The following TMBIM4 variants were observed in gnomAD, a reference collection of about 807,000 sequenced individuals.
TMBIM4 encodes the protein protein lifeguard 4.
TMBIM4 carries 28 observed loss-of-function variants against 27.7 expected under a neutral mutation model. That is an observed-to-expected ratio of 1.01 (90% CI 0.75 to 1.38). The LOEUF (loss-of-function observed/expected upper bound fraction) is 1.38, where lower values mean the gene tolerates loss of function less well. Ranked by LOEUF, TMBIM4 falls within the 40% of genes most tolerant of loss-of-function variation. The probability of loss-of-function intolerance (pLI) is 0.00; values close to 1 mark genes in which losing one functional copy is unlikely to be tolerated. For missense variants in TMBIM4, 265 were observed against 277.5 expected (o/e 0.95, Z 0.32); for synonymous variants, 115 against 113.1 (o/e 1.02, Z -0.11).
At chr12:66,143,311 T>C (rs1193578551) in intron 5 of TMBIM4, among the ~76,000 whole-genome samples, 1 of 152,158 alleles carries the variant, frequency 6.6e-6, no homozygotes, top group Admixed American at 6.5e-5. Flanking sequence ...CAACTCCATC[T>C]AGAAGACTGA....
chr12:66,140,816 C>T (rs1221776046), intron 5 of TMBIM4, among the ~76,000 whole-genome samples: 1 of 152,012 alleles, frequency 6.6e-6, no homozygotes, highest in East Asian at 1.9e-4. Flanking sequence ...GAGGGAACCA[C>T]ACCAAGGAAT....
At chr12:66,144,569 G>C (rs904832173) in intron 5 of TMBIM4, among the ~76,000 whole-genome samples, 3 of 152,132 alleles carry the variant, frequency 2.0e-5, no homozygotes, top group African/African-American at 4.8e-5. Flanking sequence ...ACACTTGTGT[G>C]GTTGGGAAAA....
intron 1 of TMBIM4, among the ~76,000 whole-genome samples, chr12:66,168,247 C>T (rs576718465): frequency 8.7e-4 from 131 of 150,178 alleles, no homozygotes; most frequent in African/African-American, 2.6e-3. Context: ...GAAATTCTGA[C>T]ATATGCCACA....
chr12:66,155,874 G>A (rs934111819), intron 1 of TMBIM4, among the ~76,000 whole-genome samples: 4 of 151,994 alleles, frequency 2.6e-5, no homozygotes, highest in Non-Finnish European at 5.9e-5. Context: ...GTATACCCTG[G>A]GCAGTAGTAC....
chr12:66,160,927 C>T (rs1178997347), intron 1 of TMBIM4, among the ~76,000 whole-genome samples: 1 of 142,762 alleles, frequency 7.0e-6, no homozygotes, highest in Non-Finnish European at 1.5e-5. Flanking sequence ...GGGGGTGGGG[C>T]GGGCAGAGGC....
chr12:66,147,513 G>T (rs554636023), intron 4 of TMBIM4, among the ~76,000 whole-genome samples: 1 of 152,296 alleles, frequency 6.6e-6, no homozygotes, highest in African/African-American at 2.4e-5. Context: ...TAATGTTAAA[G>T]CACAGTTCAG....
At chr12:66,161,245 C>T (rs1262561032) in intron 1 of TMBIM4, 1 of 152,348 alleles carries the variant, frequency 6.6e-6, no homozygotes, top group Non-Finnish European at 1.5e-5. Flanking sequence ...AGCTAATTTG[C>T]TTTGTTTTGT....
chr12:66,152,257 G>T lies in TMBIM4; in HGVS notation c.312+14C>A. ...AATAATTGTTAAGGGAATAGAGAAAGTCAGAGTACTCACAAATCCAAAAAG... is the reference window on the plus strand; with the variant it reads ...AATAATTGTTAAGGGAATAGAGAAATTCAGAGTACTCACAAATCCAAAAAG... On this transcript the variant is annotated intron_variant, in intron 3 of 6. Coordinates refer to ENST00000358230, the MANE Select transcript of TMBIM4 (RefSeq NM_016056.4). The T allele has an allele frequency of 6.7e-7, 1 of 1,490,034 alleles. No homozygotes were observed. Among genetic ancestry groups the T allele is most frequent in the Non-Finnish European group, 9.2e-7 (1 of 1,084,034 alleles). The allele number at this position is 1,490,034 out of a possible 1,614,324, so 92.3% of individuals were successfully genotyped here. A position where few individuals can be genotyped will look rare whatever the true frequency, so the allele number is the denominator to read the frequency against.
chr12:66,168,951 G>C, intron 1 of TMBIM4: 1 of 205,742 alleles, frequency 4.9e-6, no homozygotes, highest in Non-Finnish European at 9.8e-6. Flanking sequence ...TTAAAAAAAA[G>C]CTGAGTTCAC....
chr12:66,156,883 A>G (rs1428891269), intron 1 of TMBIM4, among the ~76,000 whole-genome samples: 2 of 152,144 alleles, frequency 1.3e-5, no homozygotes, highest in Non-Finnish European at 2.9e-5. Flanking sequence ...AGTCCTAACA[A>G]AAAGAATGAT....
intron 1 of TMBIM4, among the ~76,000 whole-genome samples, chr12:66,162,335 T>C (rs1039183022): frequency 6.6e-6 from 1 of 152,252 alleles, no homozygotes; most frequent in African/African-American, 2.4e-5. Flanking sequence ...TATATTGTTA[T>C]ATTTGTTCTA....
intron 3 of TMBIM4, among the ~76,000 whole-genome samples, chr12:66,151,671 T>G (rs1430426872): frequency 1.3e-5 from 2 of 152,254 alleles, no homozygotes; most frequent in African/African-American, 4.8e-5. Flanking sequence ...TCTGGTCATA[T>G]TCTAAACTGA....
chr12:66,144,367 CA>C (rs1270005334), intron 5 of TMBIM4, among the ~76,000 whole-genome samples: 2 of 152,100 alleles, frequency 1.3e-5, no homozygotes, highest in African/African-American at 4.8e-5. Context: ...ATGGAATTAT[CA>C]AATCAAAATC....
Position 66,152,281 on chromosome 12 carries a change from A to C in TMBIM4, c.302T>G (p.Leu101Arg), listed in dbSNP as rs1048357611. Residue 101 changes from leucine (L) to arginine (R), a missense_variant, in exon 3 of 7, where the codon CTT becomes CGT. Physicochemically the swap from Leu to Arg is moderately radical, Grantham distance 102. Transcript: ENST00000358230. ...AGTCAGAGTACTCACAAATCCAAAA[A>C]GTAGGTACAGGTTAAGGGGATACTT... ...RHKYPLNLYLLFGFTLLEALT... is the reference protein window; with the variant it reads ...RHKYPLNLYLRFGFTLLEALT... The C allele has an allele frequency of 1.9e-6, 3 of 1,582,908 alleles. No individual in the cohort carries two copies. The highest frequency in any genetic ancestry group is 2.7e-5 in the African/African-American group (2 of 74,318).
intron 2 of TMBIM4, 57 bp downstream of exon 2, chr12:66,153,283 G>T: frequency 4.0e-6 from 4 of 997,300 alleles, no homozygotes; most frequent in Admixed American, 2.5e-5. Flanking sequence ...TTTATAATAT[G>T]CCTTTTTGAT....
At chr12:66,155,335 T>TGTGAGAGAGAGAGAGAGAGAGAGA (rs141188662) in intron 1 of TMBIM4, among the ~76,000 whole-genome samples, 4 of 131,600 alleles carry the variant, frequency 3.0e-5, no homozygotes, top group Non-Finnish European at 6.8e-5. Flanking sequence ...TGCACACGTG[T>TGTGAGAGAGAGAGAGAGAGAGAGA]GAGAGAGAGA....
intron 1 of TMBIM4, among the ~76,000 whole-genome samples, chr12:66,159,939 A>G (rs1403602034): frequency 6.6e-6 from 1 of 152,364 alleles, no homozygotes; most frequent in African/African-American, 2.4e-5. Flanking sequence ...CACATAGCTA[A>G]AAGACATAGA....
chr12:66,142,874 T>TGTA (rs2051691637), intron 5 of TMBIM4, among the ~76,000 whole-genome samples: 2 of 152,182 alleles, frequency 1.3e-5, no homozygotes, highest in Non-Finnish European at 2.9e-5. Context: ...ATTCACTAAC[T>TGTA]GGACAAGATC....
rs116371980 is a variant in TMBIM4 at position 66,148,469 on chromosome 12, C to T, written c.313-528G>A. Among the ~76,000 whole-genome samples, 593 of 152,264 alleles carry T rather than the reference C, an allele frequency of 3.9e-3. 3 individuals carry two copies. The highest frequency in any genetic ancestry group is 0.013 in the African/African-American group (534 of 41,544). On this transcript the variant is annotated intron_variant, in intron 3 of 6. Transcript: ENST00000358230. ...TCCTTTGCAACTCTAGGTCTGACTA[C>T]GTAACGATACTCTAGCCAATTTAAT...
Sources: gnomAD v4.1 joint callset for allele counts (sites outside exome capture counted in the v4.1 genomes callset) on GRCh38, gnomAD v4.1.1 for gene constraint, MANE v1.5 for transcripts, NCBI Gene and HGNC (gene_info 2026-07-23, HGNC 2026-07-21) for gene names.